The following EFCAB11 variants were observed in gnomAD, a reference collection of about 807,000 sequenced individuals.
EFCAB11 encodes the protein EF-hand calcium-binding domain-containing protein 11.
EFCAB11 carries 14 observed loss-of-function variants against 23.0 expected under a neutral mutation model. The observed-to-expected ratio is 0.61, with a 90% confidence interval of 0.40 to 0.95. The LOEUF (loss-of-function observed/expected upper bound fraction) is 0.95, where lower values mean the gene tolerates loss of function less well. EFCAB11 is among the 40% of genes least tolerant of loss of function. The pLI, the probability that EFCAB11 is intolerant of heterozygous loss-of-function variation, is 0.00. For missense variants in EFCAB11, 198 were observed against 195.8 expected, an observed-to-expected ratio of 1.01 and a Z score of -0.07; for synonymous variants, 65 against 66.6, an observed-to-expected ratio of 0.98 and a Z score of 0.11.
chr14:89,917,775 G>A (rs1453908897), intron 5 of EFCAB11, among the ~76,000 whole-genome samples: 2 of 152,182 alleles, frequency 1.3e-5, no homozygotes, highest in African/African-American at 2.4e-5. Context: ...TAATAATTGC[G>A]AATTAGTTGT....
chr14:89,860,606 T>G lies in EFCAB11; in HGVS notation c.411-63282A>C, dbSNP rs73318900. Among the ~76,000 whole-genome samples, 823 of 152,340 alleles carry G rather than the reference T, an allele frequency of 5.4e-3. 9 individuals are homozygous for G. Among genetic ancestry groups the G allele is most frequent in the African/African-American group, 0.019 (782 of 41,574 alleles). On this transcript the variant is annotated intron_variant, in intron 5 of 5. Coordinates refer to ENST00000316738, the MANE Select transcript of EFCAB11 (RefSeq NM_145231.4). Reference sequence around the variant, plus strand: ...GAAAATGTTTGAATTTAAACTCTACTAGGCATAAAATAAGCTTATAGAAAA... The same window carrying G: ...GAAAATGTTTGAATTTAAACTCTACGAGGCATAAAATAAGCTTATAGAAAA...
chr14:89,855,597 T>C (rs1887729182), intron 5 of EFCAB11, among the ~76,000 whole-genome samples: 1 of 151,298 alleles, frequency 6.6e-6, no homozygotes, highest in African/African-American at 2.4e-5. Context: ...CAACTAACTA[T>C]TGCACAGTTA....
chr14:89,901,616 T>C (rs548578986), intron 5 of EFCAB11, among the ~76,000 whole-genome samples: 1 of 152,320 alleles, frequency 6.6e-6, no homozygotes, highest in Non-Finnish European at 1.5e-5. Flanking sequence ...CTTTGTACAC[T>C]GGGAATGCCA....
intron 5 of EFCAB11, among the ~76,000 whole-genome samples, chr14:89,801,984 ACT>A (rs58638563): frequency 0.24 from 36,018 of 150,394 alleles, 4,776 homozygotes; most frequent in Non-Finnish European, 0.3. Flanking sequence ...ATAGTGCGAG[ACT>A]CTGTCTCAAA....
intron 5 of EFCAB11, among the ~76,000 whole-genome samples, chr14:89,827,684 A>G (rs1276651184): frequency 1.6e-5 from 2 of 122,280 alleles, no homozygotes; most frequent in African/African-American, 6.5e-5. Flanking sequence ...CCCAGGCTGG[A>G]GCGCAATGGT....
intron 5 of EFCAB11, chr14:89,924,389 G>C (rs1176793326): frequency 1.7e-6 from 2 of 1,193,012 alleles, no homozygotes; most frequent in East Asian, 8.5e-5. Flanking sequence ...GATCTTGGAC[G>C]CTGGGTCAGG....
intron 5 of EFCAB11, among the ~76,000 whole-genome samples, chr14:89,907,954 A>T (rs932660471): frequency 2.0e-5 from 3 of 152,194 alleles, no homozygotes; most frequent in Non-Finnish European, 2.9e-5. Context: ...CAAGTAAAGC[A>T]TTTAGAACAG....
intron 5 of EFCAB11, among the ~76,000 whole-genome samples, chr14:89,922,840 G>A (rs1388137042): frequency 6.6e-6 from 1 of 152,142 alleles, no homozygotes; most frequent in Non-Finnish European, 1.5e-5. Context: ...GAAAGATTAG[G>A]AGTTTAAAGC....
intron 5 of EFCAB11, among the ~76,000 whole-genome samples, chr14:89,908,728 G>A (rs1048952537): frequency 6.6e-6 from 1 of 151,940 alleles, no homozygotes; most frequent in East Asian, 1.9e-4. Flanking sequence ...CCATCTTATC[G>A]AAGGTATTGT....
intron 5 of EFCAB11, among the ~76,000 whole-genome samples, chr14:89,828,518 C>T (rs76481041): frequency 0.026 from 4,011 of 152,182 alleles, 180 homozygotes; most frequent in African/African-American, 0.091. Context: ...TTCCCCAGAA[C>T]TATGATCCCT....
chr14:89,919,202 GAC>G (rs774275630), intron 5 of EFCAB11, among the ~76,000 whole-genome samples: 102 of 126,378 alleles, frequency 8.1e-4, no homozygotes, highest in African/African-American at 1.8e-3. Context: ...GAGAGAGAGA[GAC>G]AGAGAGAGAG....
rs760699494 is a variant in EFCAB11, at chr14:89,896,253, G to A, written c.410+35288C>T. Reference sequence around the variant, plus strand: ...CAAAAAATTAGCCGGGCGTGGCGGCGGACCCCTGTAGTCCCAGCTACTCAC... The same window carrying A: ...CAAAAAATTAGCCGGGCGTGGCGGCAGACCCCTGTAGTCCCAGCTACTCAC... On this transcript the variant is annotated intron_variant, in intron 5 of 5. Transcript: ENST00000316738. Among the ~76,000 whole-genome samples, 27 of 152,156 alleles carry A rather than the reference G, an allele frequency of 1.8e-4. 1 individual carries two copies. In the Middle Eastern group the frequency reaches 0.014, roughly 77 times the overall value.
intron 5 of EFCAB11, among the ~76,000 whole-genome samples, chr14:89,804,055 G>A (rs1433429393): frequency 3.3e-5 from 5 of 152,168 alleles, no homozygotes; most frequent in Non-Finnish European, 7.3e-5. Context: ...CTTTGTGCCC[G>A]TCCCACGCTA....
chr14:89,854,695 T>C (rs760087456), intron 5 of EFCAB11, among the ~76,000 whole-genome samples: 2 of 152,056 alleles, frequency 1.3e-5, no homozygotes, highest in Non-Finnish European at 2.9e-5. Context: ...GCCCCCATAG[T>C]GAACCCCACA....
chr14:89,902,917 C>T (rs1889386262), intron 5 of EFCAB11, among the ~76,000 whole-genome samples: 1 of 152,150 alleles, frequency 6.6e-6, no homozygotes, highest in Non-Finnish European at 1.5e-5. Flanking sequence ...CAATACGTCA[C>T]AGGTATTCTT....
At chr14:89,835,329 T>G (rs1481606898) in intron 5 of EFCAB11, among the ~76,000 whole-genome samples, 2 of 152,218 alleles carry the variant, frequency 1.3e-5, no homozygotes, top group Non-Finnish European at 2.9e-5. Flanking sequence ...TTTTGGAATA[T>G]CTGCATATAC....
intron 5 of EFCAB11, among the ~76,000 whole-genome samples, chr14:89,929,129 C>T (rs894017871): frequency 1.3e-5 from 2 of 148,652 alleles, no homozygotes; most frequent in African/African-American, 4.9e-5. Context: ...TCACTGCAGC[C>T]TCGAACTTCT....
At chr14:89,801,059 A>AAAAAAAAAG (rs1555369622) in intron 5 of EFCAB11, among the ~76,000 whole-genome samples, 3 of 138,782 alleles carry the variant, frequency 2.2e-5, no homozygotes, top group Admixed American at 7.5e-5. Context: ...AAAAAAAAAA[A>AAAAAAAAAG]AGAAGTACTG....
chr14:89,824,529 C>T (rs1011851304), intron 5 of EFCAB11, among the ~76,000 whole-genome samples: 4 of 151,732 alleles, frequency 2.6e-5, no homozygotes, highest in Non-Finnish European at 5.9e-5. Context: ...AGACTTAGAC[C>T]CAATGATATA....
Sources: allele counts gnomAD v4.1 joint callset (sites outside exome capture counted in the v4.1 genomes callset), GRCh38; gene constraint gnomAD v4.1.1; transcripts MANE v1.5; gene names NCBI Gene and HGNC (gene_info 2026-07-23, HGNC 2026-07-21).